IST1: variants seen among roughly 807,000 people sequenced by gnomAD.
IST1 encodes the protein IST1 homolog.
In IST1, 23 loss-of-function variants were observed where a neutral mutation model predicts 37.0. The ratio of observed to expected loss-of-function variants is 0.62; its 90% confidence interval spans 0.45 to 0.88. The LOEUF (loss-of-function observed/expected upper bound fraction) is 0.88. Ranked by LOEUF, IST1 falls within the 40% of genes least tolerant of loss-of-function variation. IST1 has a pLI of 0.00. For missense variants in IST1, 488 were observed against 445.4 expected, an observed-to-expected ratio of 1.10 and a Z score of -0.86; for synonymous variants, 180 against 161.7, an observed-to-expected ratio of 1.11 and a Z score of -0.86.
chr16:71,924,471 G>T (rs762682308), intron 8 of IST1: 20 of 513,336 alleles, frequency 3.9e-5, no homozygotes, highest in Non-Finnish European at 6.4e-5. Context: ...CATGCCTGTG[G>T]TCCCAGCTAT....
At chr16:71,897,615 A>C (rs2037003025) in intron 1 of IST1, among the ~76,000 whole-genome samples, 1 of 152,240 alleles carries the variant, frequency 6.6e-6, no homozygotes, top group Non-Finnish European at 1.5e-5. Flanking sequence ...TATATGGTAC[A>C]GATGGTCAAA....
At chr16:71,923,640 G>A in intron 8 of IST1, 1 of 334,248 alleles carries the variant, frequency 3.0e-6, no homozygotes, top group Middle Eastern at 8.7e-4. Context: ...GAAAGTTGTA[G>A]TGCTCTATGA....
chr16:71,929,684 T>A lies in IST1; in HGVS notation c.*1871T>A. On this transcript the variant is annotated 3_prime_UTR_variant, in exon 10 of 10. Transcript: ENST00000378799. ...TCTATTAGTGCAGCTTCTTTCTGAG[T>A]ATTGAAGACAAAAAGAGAAAAGTGA... 1 of 1,529,074 alleles carries A rather than the reference T, an allele frequency of 6.5e-7. No homozygotes were observed. The highest frequency in any genetic ancestry group is 8.8e-7 in the Non-Finnish European group (1 of 1,139,216). The allele number at this position is 1,529,074 out of a possible 1,614,324, so 94.7% of individuals were successfully genotyped here.
chr16:71,913,228 G>C (rs2037396874), intron 1 of IST1, among the ~76,000 whole-genome samples: 1 of 151,542 alleles, frequency 6.6e-6, no homozygotes, highest in Non-Finnish European at 1.5e-5. Flanking sequence ...CCCACCAACA[G>C]TGCACAAGGG....
At chr16:71,907,326 G>T (rs1313477446) in intron 1 of IST1, among the ~76,000 whole-genome samples, 2 of 146,990 alleles carry the variant, frequency 1.4e-5, no homozygotes, top group African/African-American at 2.6e-5. Context: ...CGCCCATGCT[G>T]GAGTGCAGTG....
chr16:71,910,757 A>G (rs545499210), intron 1 of IST1, among the ~76,000 whole-genome samples: 276 of 152,298 alleles, frequency 1.8e-3, no homozygotes, highest in African/African-American at 6.1e-3. Flanking sequence ...TTATGTATTA[A>G]TAGAAATATT....
At chr16:71,901,213 GTTTT>G (rs1385999842) in intron 1 of IST1, among the ~76,000 whole-genome samples, 1 of 151,498 alleles carries the variant, frequency 6.6e-6, no homozygotes, top group African/African-American at 2.4e-5. Context: ...CAGTCTTTTG[GTTTT>G]TTTTCTTTTT....
In IST1 at chr16:71,897,077, T is replaced by G. The variant is rs1436510878; in HGVS notation, c.-16+1488T>G. Among the ~76,000 whole-genome samples the G allele has an allele frequency of 3.3e-5, 5 of 152,008 alleles. No homozygotes were observed. The East Asian group carries it at 7.7e-4, about 24-fold the overall frequency. On this transcript the variant is annotated intron_variant, in intron 1 of 9. Transcript: ENST00000378799. ...CTCTGTTTCCCAGGCTGGAGTGCTG[T>G]AGTGCACTCCCTGCAGCTTCGACCT...
chr16:71,894,720 G>A, upstream of IST1: 5 of 393,222 alleles, frequency 1.3e-5, no homozygotes, highest in South Asian at 1.4e-4. Context: ...TTTTTTTGTA[G>A]CGATGCGGTT....
rs917286576 is a variant in IST1 at position 71,895,606 on chromosome 16, C to G, written c.-16+17C>G. On this transcript the variant is annotated intron_variant, in intron 1 of 9. Transcript: ENST00000378799. ...TTCGGTTAGGTGAGTGTGGCATCCT[C>G]GGCGTCAGAGGTCTCTGTCTTCCTC... The G allele has an allele frequency of 3.1e-6, 3 of 962,402 alleles. No individual in the cohort carries two copies. Among genetic ancestry groups the G allele is most frequent in the Non-Finnish European group, 2.5e-6 (2 of 808,800 alleles). 59.6% of individuals were successfully genotyped at this position (962,402 alleles called of 1,614,324 possible).
At chr16:71,925,845 C>T (rs72801789) in intron 9 of IST1, among the ~76,000 whole-genome samples, 20,897 of 152,058 alleles carry the variant, frequency 0.14, 1,763 homozygotes, top group South Asian at 0.38. Context: ...GTCACAGCTA[C>T]TCAAGAGGCG....
At chr16:71,899,968 G>T (rs989355305) in intron 1 of IST1, among the ~76,000 whole-genome samples, 6 of 141,444 alleles carry the variant, frequency 4.2e-5, no homozygotes, top group Middle Eastern at 8.0e-3. Context: ...CTGCACTCTA[G>T]CCTCGGCGAC....
At chr16:71,924,719 C>T (rs572021369) in intron 8 of IST1, 50 bp from the exon 9 acceptor site, 2 of 1,403,698 alleles carry the variant, frequency 1.4e-6, no homozygotes, top group Admixed American at 1.7e-5. Flanking sequence ...CCAGTACTTT[C>T]TCCAGTGACA....
At chr16:71,921,879 T>C (rs1456576527) in intron 6 of IST1, 1 of 194,162 alleles carries the variant, frequency 5.2e-6, no homozygotes, top group Non-Finnish European at 1.1e-5. Flanking sequence ...GGCTCACGCC[T>C]GTAATCCCAG....
Position 71,929,576 on chromosome 16 carries a change from C to T in IST1, c.*1763C>T, listed in dbSNP as rs2143035223. 6.4e-7 allele frequency: 1 copy of T among 1,551,718 alleles called. No homozygotes were observed. Among genetic ancestry groups the T allele is most frequent in the Non-Finnish European group, 8.7e-7 (1 of 1,146,996 alleles). On this transcript the variant is annotated 3_prime_UTR_variant, in exon 10 of 10. Coordinates refer to ENST00000378799, the MANE Select transcript of IST1 (RefSeq NM_001270975.2). Reference sequence around the variant, plus strand: ...TCTAAAACTTCAGTGTCACTGCCCACTGCTGTCGTGGCTGCTTGCTCAGAT... The same window carrying T: ...TCTAAAACTTCAGTGTCACTGCCCATTGCTGTCGTGGCTGCTTGCTCAGAT...
At position 71,917,029 on chromosome 16, in the gene IST1, A is replaced by AT. The variant is rs2037480941; in HGVS notation, c.270-11dup. 3 of 1,543,498 alleles carry AT rather than the reference A, an allele frequency of 1.9e-6. No individual in the cohort carries two copies. Among genetic ancestry groups the AT allele is most frequent in the African/African-American group, 1.4e-5 (1 of 72,918 alleles). On this transcript the variant is annotated splice_polypyrimidine_tract_variant and intron_variant, in intron 3 of 9. Coordinates refer to ENST00000378799, the MANE Select transcript of IST1 (RefSeq NM_001270975.2). ...GTTTGTTTTAAAGAATGTTATATTA[A>AT]TTTTTTTCCTTGATTAGGGAACTAG...
chr16:71,914,429 G>A (rs1362769039), intron 1 of IST1, among the ~76,000 whole-genome samples: 1 of 152,084 alleles, frequency 6.6e-6, no homozygotes, highest in Non-Finnish European at 1.5e-5. Context: ...CAAAGTGCTA[G>A]GATTACAGAT....
At chr16:71,897,836 T>G (rs1449811936) in intron 1 of IST1, among the ~76,000 whole-genome samples, 1 of 151,956 alleles carries the variant, frequency 6.6e-6, no homozygotes. Flanking sequence ...TCCCAGCTAC[T>G]CCAAAGGCTG....
upstream of IST1, chr16:71,894,890 G>T (rs891274677): frequency 7.0e-7 from 1 of 1,428,910 alleles, no homozygotes; most frequent in Non-Finnish European, 9.5e-7. Context: ...TCTGAATACC[G>T]AGATAAATTA....
Sources: allele counts gnomAD v4.1 joint callset (sites outside exome capture counted in the v4.1 genomes callset), GRCh38; gene constraint gnomAD v4.1.1; transcripts MANE v1.5; gene names NCBI Gene and HGNC (gene_info 2026-07-23, HGNC 2026-07-21).